Variants in IGSF21 observed in about 807,000 individuals in gnomAD.
IGSF21 encodes immunoglobin superfamily member 21, also known as immunoglobulin superfamily member 21.
In IGSF21, 28 loss-of-function variants were observed where a neutral mutation model predicts 46.8. The ratio of observed to expected loss-of-function variants is 0.60; its 90% CI spans 0.44 to 0.82. IGSF21 has a LOEUF of 0.82. IGSF21 is among the 40% of genes least tolerant of loss of function. The pLI, the probability that IGSF21 is intolerant of heterozygous loss-of-function variation, is 0.00. For missense variants in IGSF21, 624 were observed against 665.5 expected (o/e 0.94, Z 0.69); for synonymous variants, 284 against 273.6 (o/e 1.04, Z -0.38).
chr1:18,348,956 G>A (rs972241212), intron 4 of IGSF21, among the ~76,000 whole-genome samples: 1 of 152,130 alleles, frequency 6.6e-6, no homozygotes, highest in Non-Finnish European at 1.5e-5. Flanking sequence ...CCAACTCTGA[G>A]GCAGGAAGAC....
chr1:18,220,203 C>T (rs564390666), intron 1 of IGSF21, among the ~76,000 whole-genome samples: 2 of 152,196 alleles, frequency 1.3e-5, no homozygotes, highest in Non-Finnish European at 2.9e-5. Flanking sequence ...GCATGGTTAA[C>T]GTCTCATATC....
intron 2 of IGSF21, among the ~76,000 whole-genome samples, chr1:18,249,085 GGAAA>G (rs1391394523): frequency 6.6e-6 from 1 of 152,188 alleles, no homozygotes; most frequent in Non-Finnish European, 1.5e-5. Flanking sequence ...ACAGGGAGGA[GGAAA>G]GGAATGGATA....
At chr1:18,161,069 G>T (rs1178548609) in intron 1 of IGSF21, among the ~76,000 whole-genome samples, 5 of 152,138 alleles carry the variant, frequency 3.3e-5, no homozygotes, top group Non-Finnish European at 7.4e-5. Flanking sequence ...TTGGGCCAGA[G>T]TTTGGCCTCC....
chr1:18,250,351 C>G (rs1301805841), intron 2 of IGSF21, among the ~76,000 whole-genome samples: 1 of 151,868 alleles, frequency 6.6e-6, no homozygotes, highest in African/African-American at 2.4e-5. Context: ...TTACTAAAGA[C>G]AGAGTAAGTG....
At chr1:18,341,012 C>CTCTTCTTCTTCT (rs10536109) in intron 4 of IGSF21, among the ~76,000 whole-genome samples, 8 of 85,086 alleles carry the variant, frequency 9.4e-5, no homozygotes, top group South Asian at 6.2e-4. Flanking sequence ...CCTCCTTCTT[C>CTCTTCTTCTTCT]TCTTCTTCTT....
chr1:18,247,048 C>CTTT (rs34980016), intron 2 of IGSF21, among the ~76,000 whole-genome samples: 7 of 122,410 alleles, frequency 5.7e-5, no homozygotes, highest in Admixed American at 8.2e-5. Context: ...AGCTGGAATT[C>CTTT]TTTTTTTTTT....
At chr1:18,140,654 C>T (rs1175130821) in intron 1 of IGSF21, among the ~76,000 whole-genome samples, 3 of 152,232 alleles carry the variant, frequency 2.0e-5, no homozygotes, top group African/African-American at 7.2e-5. Context: ...TCCCATTCCT[C>T]TTCACCTGGC....
intron 3 of IGSF21, among the ~76,000 whole-genome samples, chr1:18,317,384 C>T (rs539276805): frequency 6.6e-6 from 1 of 152,276 alleles, no homozygotes; most frequent in Non-Finnish European, 1.5e-5. Context: ...CCCAAGGTCA[C>T]GGTGTTTTCA....
chr1:18,193,657 A>AGGGT (rs2086979863), intron 1 of IGSF21, among the ~76,000 whole-genome samples: 1 of 152,188 alleles, frequency 6.6e-6, no homozygotes, highest in Non-Finnish European at 1.5e-5. Context: ...ATCCAGATTA[A>AGGGT]GGGTGGGTCT....
At chr1:18,291,725 C>A in intron 2 of IGSF21, 141 bp from the exon 3 acceptor site, 1 of 994,268 alleles carries the variant, frequency 1.0e-6, no homozygotes, top group Non-Finnish European at 1.5e-6. Context: ...CTCCAGGAAG[C>A]CCTCGGTTAT....
At chr1:18,195,914 C>G (rs561684323) in intron 1 of IGSF21, among the ~76,000 whole-genome samples, 1 of 152,198 alleles carries the variant, frequency 6.6e-6, no homozygotes, top group East Asian at 1.9e-4. Flanking sequence ...GGGAGGGAGG[C>G]AGAGAAGGCT....
intron 1 of IGSF21, among the ~76,000 whole-genome samples, chr1:18,218,780 G>GTATC (rs1450092211): frequency 2.0e-5 from 3 of 152,214 alleles, no homozygotes; most frequent in African/African-American, 7.2e-5. Context: ...GATGGTTGAA[G>GTATC]TATCTGACAG....
intron 1 of IGSF21, among the ~76,000 whole-genome samples, chr1:18,118,653 G>A (rs1397364325): frequency 6.6e-6 from 1 of 152,180 alleles, no homozygotes; most frequent in Non-Finnish European, 1.5e-5. Flanking sequence ...GTCTGCAGCA[G>A]AGAAGTGGGT....
At chr1:18,353,220 T>C (rs1056929955) in intron 4 of IGSF21, among the ~76,000 whole-genome samples, 22 of 152,090 alleles carry the variant, frequency 1.4e-4, no homozygotes, top group African/African-American at 5.3e-4. Context: ...AGTTGCACTT[T>C]TTTTTCCCTC....
At chr1:18,192,886 G>A (rs917346649) in intron 1 of IGSF21, among the ~76,000 whole-genome samples, 4 of 152,056 alleles carry the variant, frequency 2.6e-5, no homozygotes, top group Non-Finnish European at 4.4e-5. Flanking sequence ...GATTCAATTC[G>A]TTTATTCGAC....
At chr1:18,147,631 G>A (rs1456039928) in intron 1 of IGSF21, among the ~76,000 whole-genome samples, 1 of 152,026 alleles carries the variant, frequency 6.6e-6, no homozygotes, top group African/African-American at 2.4e-5. Context: ...CTCATCATCT[G>A]TTTCCCCACT....
Position 18,231,322 on chromosome 1 carries a change from G to A in IGSF21, c.183+3312G>A, listed in dbSNP as rs149776316. ...CTGATGAAATTATCTGAAGCCATAG[G>A]GATCACCTAACCTTGGAGCTAACAA... On this transcript the variant is annotated intron_variant, in intron 2 of 9. Coordinates refer to ENST00000251296, the MANE Select transcript of IGSF21 (RefSeq NM_032880.5). Among the ~76,000 whole-genome samples the A allele has an allele frequency of 3.1e-3, 468 of 152,308 alleles. 4 individuals carry two copies. Among genetic ancestry groups the A allele is most frequent in the African/African-American group, 0.011 (441 of 41,566 alleles).
chr1:18,151,733 G>C (rs1557559220), intron 1 of IGSF21, among the ~76,000 whole-genome samples: 2 of 152,102 alleles, frequency 1.3e-5, no homozygotes, highest in South Asian at 2.1e-4. Context: ...GCAGGGGGCT[G>C]TGGGGGGCGG....
intron 1 of IGSF21, among the ~76,000 whole-genome samples, chr1:18,171,910 G>A (rs1171511245): frequency 6.6e-6 from 1 of 152,220 alleles, no homozygotes; most frequent in Non-Finnish European, 1.5e-5. Context: ...ACCATGGGCA[G>A]CTGATACAGT....
Sources: gnomAD v4.1 joint callset for allele counts (sites outside exome capture counted in the v4.1 genomes callset) on GRCh38, gnomAD v4.1.1 for gene constraint, MANE v1.5 for transcripts, NCBI Gene and HGNC (gene_info 2026-07-23, HGNC 2026-07-21) for gene names.